Variants in GRIN2A observed in about 807,000 individuals in gnomAD.
GRIN2A encodes glutamate receptor ionotropic, NMDA 2A.
A neutral mutation model predicts 113.4 loss-of-function variants in GRIN2A; 22 were observed. The ratio of observed to expected loss-of-function variants is 0.19; its 90% confidence interval spans 0.14 to 0.28. GRIN2A has a LOEUF of 0.28. Ranked by LOEUF, GRIN2A falls within the 10% of genes least tolerant of loss-of-function variation. The pLI, the probability that GRIN2A is intolerant of heterozygous loss-of-function variation, is 1.00. For missense variants in GRIN2A, 1,502 were observed against 1,887.0 expected (o/e 0.80, Z 3.78); for synonymous variants, 827 against 738.4 (o/e 1.12, Z -1.94).
chr16:9,833,759 C>T (rs1438522392), intron 8 of GRIN2A, among the ~76,000 whole-genome samples: 2 of 152,068 alleles, frequency 1.3e-5, no homozygotes, highest in Non-Finnish European at 2.9e-5. Flanking sequence ...TCGCTCTGTC[C>T]CTCAGGCTGG....
chr16:10,094,603 C>T (rs1233289212), intron 2 of GRIN2A, among the ~76,000 whole-genome samples: 1 of 152,074 alleles, frequency 6.6e-6, no homozygotes, highest in Non-Finnish European at 1.5e-5. Flanking sequence ...GCACCCACCA[C>T]AATGCCTGGC....
chr16:9,847,656 T>C (rs2042798158), intron 5 of GRIN2A, among the ~76,000 whole-genome samples: 1 of 150,028 alleles, frequency 6.7e-6, no homozygotes, highest in Admixed American at 6.6e-5. Context: ...ATATGTTTTA[T>C]ATATTTTTAA....
Position 9,763,858 on chromosome 16 carries a change from G to C in GRIN2A, c.3686C>G (p.Thr1229Ser). Residue 1229 changes from threonine to serine, a missense_variant, in exon 13 of 13, where the codon ACC (threonine) becomes AGC (serine). This residue lies in a region of GRIN2A where 832 missense variants were observed against 789.7 expected (regional missense o/e 1.05). Transcript: ENST00000330684. ...SNMPTYSGHF[T>S]MRSPFKCDAC... ...ATCGCACTTGAAGGGGGACCTCATG[G>C]TGAAGTGGCCTGAATAGGTGGGCAT... 6.2e-7 allele frequency: 1 copy of C among 1,614,142 alleles called. No individual in the cohort carries two copies. The highest frequency in any genetic ancestry group is 1.3e-5 in the African/African-American group (1 of 75,050).
intron 2 of GRIN2A, among the ~76,000 whole-genome samples, chr16:10,105,986 A>T (rs2048493425): frequency 6.6e-6 from 1 of 152,264 alleles, no homozygotes; most frequent in Non-Finnish European, 1.5e-5. Flanking sequence ...ATATGCACAT[A>T]CATGCATACA....
chr16:10,091,539 G>A (rs910985212), intron 2 of GRIN2A, among the ~76,000 whole-genome samples: 1 of 151,996 alleles, frequency 6.6e-6, no homozygotes, highest in Admixed American at 6.6e-5. Flanking sequence ...TGTAGTCCCA[G>A]CTACTCGTGA....
intron 2 of GRIN2A, among the ~76,000 whole-genome samples, chr16:10,050,712 T>C (rs183272287): frequency 6.6e-6 from 1 of 152,078 alleles, no homozygotes; most frequent in African/African-American, 2.4e-5. Flanking sequence ...ACTTGAATCA[T>C]TCCAAAACCA....
At chr16:9,866,395 C>T (rs2043160829) in intron 4 of GRIN2A, among the ~76,000 whole-genome samples, 1 of 152,014 alleles carries the variant, frequency 6.6e-6, no homozygotes, top group African/African-American at 2.4e-5. Flanking sequence ...GTTTTAATGA[C>T]ATGTTTGTGA....
intron 2 of GRIN2A, among the ~76,000 whole-genome samples, chr16:10,079,004 G>T (rs770992089): frequency 2.0e-5 from 3 of 152,184 alleles, no homozygotes; most frequent in African/African-American, 4.8e-5. Context: ...TATGCTCATA[G>T]CTCCATTCAT....
chr16:9,996,359 T>C (rs920143942), intron 2 of GRIN2A, among the ~76,000 whole-genome samples: 3 of 152,204 alleles, frequency 2.0e-5, no homozygotes, highest in African/African-American at 7.2e-5. Context: ...CCTCCCACGA[T>C]GCAGGCTCCC....
intron 2 of GRIN2A, among the ~76,000 whole-genome samples, chr16:10,093,894 G>C (rs945184149): frequency 3.3e-5 from 5 of 152,194 alleles, no homozygotes; most frequent in African/African-American, 1.2e-4. Flanking sequence ...CTCTGCCCAA[G>C]ACATCACCAG....
At chr16:9,950,989 T>A (rs938705144) in intron 2 of GRIN2A, among the ~76,000 whole-genome samples, 1 of 152,244 alleles carries the variant, frequency 6.6e-6, no homozygotes, top group African/African-American at 2.4e-5. Flanking sequence ...ATTTAAATTT[T>A]ACTGGATTCC....
intron 5 of GRIN2A, among the ~76,000 whole-genome samples, chr16:9,847,086 C>T (rs2042785633): frequency 6.6e-6 from 1 of 152,130 alleles, no homozygotes; most frequent in Non-Finnish European, 1.5e-5. Flanking sequence ...GTTCCATTTG[C>T]ACCTGGATTG....
At chr16:9,917,224 A>C (rs1395693751) in intron 3 of GRIN2A, among the ~76,000 whole-genome samples, 1 of 152,182 alleles carries the variant, frequency 6.6e-6, no homozygotes, top group East Asian at 1.9e-4. Flanking sequence ...TCAGTACCCC[A>C]TATCTGCCCT....
chr16:10,154,300 A>G (rs2049644467), intron 2 of GRIN2A, among the ~76,000 whole-genome samples: 1 of 152,186 alleles, frequency 6.6e-6, no homozygotes, highest in African/African-American at 2.4e-5. Flanking sequence ...GTTATAAGCC[A>G]TTAAGATACA....
chr16:9,896,431 A>G (rs1362795529), intron 3 of GRIN2A, among the ~76,000 whole-genome samples: 1 of 152,174 alleles, frequency 6.6e-6, no homozygotes, highest in African/African-American at 2.4e-5. Context: ...TCCTTCTTTA[A>G]TTTCCCATCT....
chr16:10,044,005 G>C (rs898919710), intron 2 of GRIN2A, among the ~76,000 whole-genome samples: 3 of 100,296 alleles, frequency 3.0e-5, no homozygotes, highest in Non-Finnish European at 6.0e-5. Flanking sequence ...GTGTGTGTGT[G>C]TGTATATATA....
At chr16:9,959,501 G>A (rs552582572) in intron 2 of GRIN2A, among the ~76,000 whole-genome samples, 1 of 152,206 alleles carries the variant, frequency 6.6e-6, no homozygotes, top group Non-Finnish European at 1.5e-5. Context: ...AGCCTGGTTA[G>A]TATTTAAATA....
At chr16:10,156,154 A>C (rs1189497497) in intron 2 of GRIN2A, among the ~76,000 whole-genome samples, 2 of 152,146 alleles carry the variant, frequency 1.3e-5, no homozygotes, top group Admixed American at 1.3e-4. Context: ...TTCTCCCTAG[A>C]AGAGCTCCTG....
Position 9,762,287 on chromosome 16 carries a change from C to T in GRIN2A, c.*862G>A, listed in dbSNP as rs567244636. ...GGAAATGCAAACTTACGTACATAGG[C>T]GTCTTCGGGATAAACTACAATGGCC... is the stretch of plus-strand genomic sequence containing the variant. On this transcript the variant is annotated 3_prime_UTR_variant, in exon 13 of 13. Coordinates refer to ENST00000330684, the MANE Select transcript of GRIN2A (RefSeq NM_001134407.3). The T allele has an allele frequency of 1.3e-5, 3 of 226,016 alleles. No homozygotes were observed. The highest frequency in any genetic ancestry group is 2.6e-5 in the Non-Finnish European group (3 of 113,352). The allele number at this position is 226,016 out of a possible 1,614,324, so 14.0% of individuals were successfully genotyped here. A position where few individuals can be genotyped will look rare whatever the true frequency, so the allele number is the denominator to read the frequency against.
Sources: gnomAD v4.1 joint callset for allele counts (sites outside exome capture counted in the v4.1 genomes callset) on GRCh38, gnomAD v4.1.1 for gene constraint, gnomAD v4.1.1 regional missense constraint, MANE v1.5 for transcripts, NCBI Gene and HGNC (gene_info 2026-07-23, HGNC 2026-07-21) for gene names.